Variants in EVC observed in about 807,000 individuals in gnomAD.
EVC encodes the protein evC complex member EVC.
EVC carries 116 observed loss-of-function variants against 118.9 expected under a neutral mutation model. The ratio of observed to expected loss-of-function variants is 0.98; its 90% confidence interval spans 0.84 to 1.14. The LOEUF is 1.14. Ranked by LOEUF, EVC falls within the 50% of genes most tolerant of loss-of-function variation. The probability of loss-of-function intolerance (pLI) is 0.00; values close to 1 mark genes in which losing one functional copy is unlikely to be tolerated. For missense variants in EVC, 1,401 were observed against 1,246.4 expected (o/e 1.12, Z -1.87); for synonymous variants, 619 against 534.7 (o/e 1.16, Z -2.18).
chr4:5,722,404 G>A (rs1187145520), intron 2 of EVC, among the ~76,000 whole-genome samples: 1 of 152,184 alleles, frequency 6.6e-6, no homozygotes, highest in African/African-American at 2.4e-5. Flanking sequence ...TTCAGTGACT[G>A]GCTTGTCAGA....
Position 5,733,430 on chromosome 4 carries a change from C to T in EVC, c.697C>T (p.His233Tyr), listed in dbSNP as rs922198372. 1 of 1,613,746 alleles carries T rather than the reference C, an allele frequency of 6.2e-7. No individual in the cohort carries two copies. Among genetic ancestry groups the T allele is most frequent in the Non-Finnish European group, 8.5e-7 (1 of 1,179,706 alleles). Residue 233 changes from histidine (H) to tyrosine (Y), a missense_variant, in exon 5 of 21, where the codon CAT becomes TAT. Coordinates refer to ENST00000264956, the MANE Select transcript of EVC (RefSeq NM_153717.3). Reference sequence around the variant, plus strand: ...GGACACGGCACTGAGGCAGGAAAAGCATATGGTAGGTGGAGATGTTCGCAT... The same window carrying T: ...GGACACGGCACTGAGGCAGGAAAAGTATATGGTAGGTGGAGATGTTCGCAT... ...HLDTALRQEK[H>Y]MMFIQIFKMC...
Position 5,798,808 on chromosome 4 carries a change from T to G in EVC, c.2304+16T>G. The G allele has an allele frequency of 6.2e-7, 1 of 1,608,474 alleles. No individual in the cohort carries two copies. The highest frequency in any genetic ancestry group is 1.1e-5 in the South Asian group (1 of 90,238). ...TGACTTCAAGGTATGCACTGACCTC[T>G]GTCCCTGGGGACACCGAGGGCAAGA... is the stretch of plus-strand genomic sequence containing the variant. On this transcript the variant is annotated intron_variant, in intron 15 of 20. Transcript: ENST00000264956. This position sits in a 1 kb window ranked among gnomAD's most constrained non-coding sequence, Gnocchi z 4.1.
At chr4:5,825,917 C>T in the EVC span, 3 of 513,426 alleles carry the variant, frequency 5.8e-6, no homozygotes, top group South Asian at 2.6e-5. The surrounding 1 kb of genome is among the most constrained non-coding windows in gnomAD (Gnocchi z 4.4). Flanking sequence ...ACACCACGCA[C>T]ACGCACTCAC....
At position 5,806,225 on chromosome 4, in the gene EVC, G is replaced by A. The variant is rs571688993; in HGVS notation, c.2561+1384G>A. On this transcript the variant is annotated intron_variant, in intron 17 of 20. Coordinates refer to ENST00000264956, the MANE Select transcript of EVC (RefSeq NM_153717.3). ...CTCCCGAGTAGCTGGGATTACAGGC[G>A]CGCACCACCATGCCCAGCTAATTTT... 8.6e-4 allele frequency among the ~76,000 whole-genome samples: 131 copies of A among 151,872 alleles called. 1 individual carries two copies. Among genetic ancestry groups the A allele is most frequent in the Admixed American group, 3.8e-3 (58 of 15,250 alleles).
chr4:5,791,129 CAG>C (rs1712703230), intron 12 of EVC, among the ~76,000 whole-genome samples: 1 of 152,026 alleles, frequency 6.6e-6, no homozygotes, highest in African/African-American at 2.4e-5. Context: ...GTAATGAAAA[CAG>C]AAATCTAATT....
At chr4:5,758,178 G>A in intron 11 of EVC, 5 of 700,202 alleles carry the variant, frequency 7.1e-6, no homozygotes, top group Non-Finnish European at 1.3e-5. Flanking sequence ...AACACCTGCA[G>A]CCACCAAAAG....
intron 12 of EVC, among the ~76,000 whole-genome samples, chr4:5,785,057 C>G (rs561078331): frequency 6.6e-6 from 1 of 152,194 alleles, no homozygotes; most frequent in Non-Finnish European, 1.5e-5. Flanking sequence ...ATATCCATAT[C>G]CCTTGCAACT....
At chr4:5,724,429 C>A (rs557968491) in intron 2 of EVC, among the ~76,000 whole-genome samples, 2 of 152,202 alleles carry the variant, frequency 1.3e-5, no homozygotes, top group Admixed American at 1.3e-4. Flanking sequence ...CCACGAACCC[C>A]CACTTCCCTT....
At chr4:5,819,341 C>A in the EVC span, among the ~76,000 whole-genome samples, 1 of 152,142 alleles carries the variant, frequency 6.6e-6, no homozygotes. Context: ...ATAGCCTTCC[C>A]CTAAAACTTT....
chr4:5,821,943 C>T, the EVC span: 4 of 1,141,524 alleles, frequency 3.5e-6, no homozygotes, highest in Non-Finnish European at 5.0e-6. The surrounding 1 kb of genome is among the most constrained non-coding windows in gnomAD (Gnocchi z 4.4). Flanking sequence ...ATGCACTCCA[C>T]TGGACCCACC....
At chr4:5,774,437 A>G (rs892072101) in intron 11 of EVC, among the ~76,000 whole-genome samples, 4 of 151,924 alleles carry the variant, frequency 2.6e-5, no homozygotes, top group South Asian at 2.1e-4. Context: ...GAGCCAGCCA[A>G]TCCCCATAAA....
intron 18 of EVC, 82 bp downstream of exon 18, chr4:5,808,409 G>A (rs1438854743): frequency 4.0e-5 from 63 of 1,594,088 alleles, no homozygotes; most frequent in Middle Eastern, 1.7e-4. Context: ...GTGACCACAC[G>A]TCAGCCATGG....
rs918565995 is a variant in EVC at position 5,731,948 on chromosome 4, G to T, written c.617+291G>T. 2.0e-5 allele frequency among the ~76,000 whole-genome samples: 3 copies of T among 152,176 alleles called. No homozygotes were observed. Among genetic ancestry groups the T allele is most frequent in the African/African-American group, 7.2e-5 (3 of 41,422 alleles). On this transcript the variant is annotated intron_variant, in intron 4 of 20. Transcript: ENST00000264956. The surrounding 1 kb of genome is among the most constrained non-coding windows in gnomAD (Gnocchi z 5.6). ...GCTACTGGCGAAGTTGATTAAGTGGGTACTTCTGAGTACCGGGCAGAGTGC... is the reference window on the plus strand; with the variant it reads ...GCTACTGGCGAAGTTGATTAAGTGGTTACTTCTGAGTACCGGGCAGAGTGC...
chr4:5,737,241 CAG>C lies in EVC; in HGVS notation c.702+3808_702+3809del. On this transcript the variant is annotated intron_variant, in intron 5 of 20. Coordinates refer to ENST00000264956, the MANE Select transcript of EVC (RefSeq NM_153717.3). This position sits in a 1 kb window ranked among gnomAD's most constrained non-coding sequence, Gnocchi z 5.0. ...AGTGCTGAGAGAGGTGAGGAAGCTG[CAG>C]AAGAAAAATTTGAAGCTAGCAGAGC... 6.6e-6 allele frequency among the ~76,000 whole-genome samples: 1 copy of C among 152,226 alleles called. No homozygotes were observed. The highest frequency in any genetic ancestry group is 1.9e-4 in the East Asian group (1 of 5,166).
At chr4:5,824,963 G>C in the EVC span, 2 of 985,404 alleles carry the variant, frequency 2.0e-6, no homozygotes, top group Non-Finnish European at 2.4e-6. Flanking sequence ...CCAAGTCCTG[G>C]TATTTTGACA....
chr4:5,826,023 A>T, the EVC span: 1 of 316,860 alleles, frequency 3.2e-6, no homozygotes, highest in Admixed American at 5.6e-5. Flanking sequence ...ACACACTTAA[A>T]TCACATACAG....
At chr4:5,753,703 A>G (rs1361880886) in intron 9 of EVC, 82 bp from the exon 10 acceptor site, 11 of 1,577,136 alleles carry the variant, frequency 7.0e-6, no homozygotes, top group East Asian at 2.2e-5. Flanking sequence ...CCCAACCTCC[A>G]GACAGGAGAA....
At chr4:5,769,420 C>T (rs968939266) in intron 11 of EVC, among the ~76,000 whole-genome samples, 5 of 152,176 alleles carry the variant, frequency 3.3e-5, no homozygotes, top group African/African-American at 1.2e-4. Context: ...ACAGCTAAAC[C>T]ATATCATAAC....
chr4:5,754,643 G>A lies in EVC; in HGVS notation c.1464+710G>A, dbSNP rs1730893379. Among the ~76,000 whole-genome samples the A allele has an allele frequency of 1.3e-5, 2 of 152,096 alleles. No homozygotes were observed. On this transcript the variant is annotated intron_variant, in intron 10 of 20. Coordinates refer to ENST00000264956, the MANE Select transcript of EVC (RefSeq NM_153717.3). The surrounding 1 kb of genome is among the most constrained non-coding windows in gnomAD (Gnocchi z 5.8). Reference sequence around the variant, plus strand: ...CCAGCTTGTCCGTAACCGTCTTGCAGGCTGGTTAAGCATTGGGCGCTGAGG... The same window carrying A: ...CCAGCTTGTCCGTAACCGTCTTGCAAGCTGGTTAAGCATTGGGCGCTGAGG...
Sources: allele counts gnomAD v4.1 joint callset (sites outside exome capture counted in the v4.1 genomes callset), GRCh38; gene constraint gnomAD v4.1.1; non-coding constraint Gnocchi (gnomAD v3.1); transcripts MANE v1.5; gene names NCBI Gene and HGNC (gene_info 2026-07-23, HGNC 2026-07-21).